The following ZEB1 variants were observed in gnomAD, a reference collection of about 807,000 sequenced individuals.
ZEB1 encodes the protein zinc finger E-box-binding homeobox 1.
In ZEB1, 21 loss-of-function variants were observed where a neutral mutation model predicts 84.9. The ratio of observed to expected loss-of-function variants is 0.25; its 90% confidence interval spans 0.18 to 0.36. ZEB1 has a LOEUF of 0.36. ZEB1 is among the 10% of genes least tolerant of loss of function. The pLI is 1.00. For synonymous variants in ZEB1, 420 were observed against 471.1 expected (o/e 0.89, Z 1.41); for missense variants, 1,104 against 1,330.2 (o/e 0.83, Z 2.65).
At chr10:31,368,236 C>G (rs2044936193) in intron 1 of ZEB1, among the ~76,000 whole-genome samples, 1 of 152,266 alleles carries the variant, frequency 6.6e-6, no homozygotes, top group Middle Eastern at 3.4e-3. Flanking sequence ...CTTACTGCAG[C>G]CTCGACCTCC....
Position 31,520,888 on chromosome 10 carries a change from A to C in ZEB1, c.1556A>C (p.Lys519Thr). ...GAAGATCTTACTGTTAAGTCTGAGA[A>C]GGACAAAAGCTTTGAAGGGGGGGTG... ...LPEDLTVKSEKDKSFEGGVND... is the reference protein window; with the variant it reads ...LPEDLTVKSETDKSFEGGVND... Residue 519 changes from lysine (K) to threonine (T), a missense_variant, in exon 7 of 9, where the codon AAG (lysine) becomes ACG (threonine). Lys to Thr is a moderately conservative substitution (Grantham distance 78). Coordinates refer to ENST00000424869, the MANE Select transcript of ZEB1 (RefSeq NM_001174096.2). This position sits in a 1 kb window ranked among gnomAD's most constrained non-coding sequence, Gnocchi z 5.1. 2 of 1,614,156 alleles carry C rather than the reference A, an allele frequency of 1.2e-6. No individual in the cohort carries two copies. Among genetic ancestry groups the C allele is most frequent in the Non-Finnish European group, 1.7e-6 (2 of 1,180,014 alleles).
intron 1 of ZEB1, among the ~76,000 whole-genome samples, chr10:31,441,141 A>T (rs1284178058): frequency 6.6e-6 from 1 of 152,192 alleles, no homozygotes; most frequent in African/African-American, 2.4e-5. Flanking sequence ...GCATCACACT[A>T]CCTGACTTCA....
intron 1 of ZEB1, among the ~76,000 whole-genome samples, chr10:31,439,735 C>G (rs1409721887): frequency 3.3e-5 from 5 of 152,058 alleles, no homozygotes; most frequent in Admixed American, 6.5e-5. Flanking sequence ...TGGAATTGGG[C>G]AGTTCATAAA....
At chr10:31,418,633 T>C (rs2135981705) in intron 1 of ZEB1, among the ~76,000 whole-genome samples, 1 of 152,256 alleles carries the variant, frequency 6.6e-6, no homozygotes, top group Admixed American at 6.5e-5. Context: ...TTTCCTTGGT[T>C]GCTTGCTTCT....
At chr10:31,382,884 G>A (rs1206923471) in intron 1 of ZEB1, among the ~76,000 whole-genome samples, 3 of 151,922 alleles carry the variant, frequency 2.0e-5, no homozygotes, top group African/African-American at 7.2e-5. Context: ...GAATATGAAA[G>A]TAAAGACACA....
At chr10:31,437,055 C>A (rs1343847329) in intron 1 of ZEB1, among the ~76,000 whole-genome samples, 2 of 152,174 alleles carry the variant, frequency 1.3e-5, no homozygotes, top group Admixed American at 6.5e-5. Context: ...TTTGGTACTA[C>A]AGTTCAAATT....
At chr10:31,347,963 G>C (rs2040608091) in intron 1 of ZEB1, among the ~76,000 whole-genome samples, 1 of 152,198 alleles carries the variant, frequency 6.6e-6, no homozygotes, top group African/African-American at 2.4e-5. Flanking sequence ...AAGAGCAACA[G>C]ATGGTGTCTG....
At chr10:31,469,352 C>T (rs541716457) in intron 2 of ZEB1, among the ~76,000 whole-genome samples, 5 of 152,110 alleles carry the variant, frequency 3.3e-5, no homozygotes, top group South Asian at 2.1e-4. Flanking sequence ...TCAGTGGGTG[C>T]GCGCACCATG....
At chr10:31,403,581 G>A (rs2052457154) in intron 1 of ZEB1, among the ~76,000 whole-genome samples, 1 of 151,928 alleles carries the variant, frequency 6.6e-6, no homozygotes, top group Non-Finnish European at 1.5e-5. Context: ...TATGTAAAAA[G>A]TTCATTTTTA....
chr10:31,489,799 C>T lies in ZEB1; in HGVS notation c.260-5977C>T, dbSNP rs150564848. Among the ~76,000 whole-genome samples, 1,041 of 151,362 alleles carry T rather than the reference C, an allele frequency of 6.9e-3. 7 individuals carry two copies. Among genetic ancestry groups the T allele is most frequent in the African/African-American group, 0.023 (959 of 41,430 alleles). ...TTTATAGTTTTTATATGTACTACAT[C>T]ATTTCTCTTCTTCTTTTATTCCCGA... On this transcript the variant is annotated intron_variant, in intron 2 of 8. Coordinates refer to ENST00000424869, the MANE Select transcript of ZEB1 (RefSeq NM_001174096.2).
intron 2 of ZEB1, among the ~76,000 whole-genome samples, chr10:31,473,944 A>G (rs1238462652): frequency 2.6e-5 from 4 of 152,058 alleles, no homozygotes; most frequent in Admixed American, 1.3e-4. Context: ...AACCTGAGAA[A>G]AACAAGCAAT....
At chr10:31,337,761 C>T (rs1264102750) in intron 1 of ZEB1, among the ~76,000 whole-genome samples, 1 of 145,658 alleles carries the variant, frequency 6.9e-6, no homozygotes, top group Non-Finnish European at 1.5e-5. Context: ...TCTCGGCTCA[C>T]TGCTGCCTCC....
In ZEB1 at chr10:31,520,362, G is replaced by T; in HGVS notation, c.1030G>T (p.Val344Phe). The T allele has an allele frequency of 6.2e-7, 1 of 1,613,934 alleles. No homozygotes were observed. The highest frequency in any genetic ancestry group is 8.5e-7 in the Non-Finnish European group (1 of 1,179,934). ...ENKPLQEQLS[V>F]NQIKTEPVDY... The stretch of plus-strand genomic sequence containing the variant: ...TAAACCCCTTCAAGAACAACTTTCT[G>T]TTAACCAAATTAAAACTGAACCTGT... Residue 344 changes from valine to phenylalanine, a missense_variant, in exon 7 of 9, where the codon GTT (valine) becomes TTT (phenylalanine). Physicochemically the swap from Val to Phe is conservative, Grantham distance 50. Coordinates refer to ENST00000424869, the MANE Select transcript of ZEB1 (RefSeq NM_001174096.2). This position sits in a 1 kb window ranked among gnomAD's most constrained non-coding sequence, Gnocchi z 5.1.
chr10:31,395,043 G>C (rs2050443323), intron 1 of ZEB1, among the ~76,000 whole-genome samples: 1 of 152,172 alleles, frequency 6.6e-6, no homozygotes, highest in African/African-American at 2.4e-5. Flanking sequence ...GTGGGTTGTT[G>C]CTTGTGCTTT....
At chr10:31,373,299 TA>T in intron 1 of ZEB1, 1 of 861,930 alleles carries the variant, frequency 1.2e-6, no homozygotes, top group South Asian at 5.3e-5. Flanking sequence ...GTTTGAATTT[TA>T]TATGTCTGTC....
intron 1 of ZEB1, among the ~76,000 whole-genome samples, chr10:31,439,791 G>A (rs1437186367): frequency 6.6e-6 from 1 of 152,116 alleles, no homozygotes; most frequent in African/African-American, 2.4e-5. Context: ...CAGTATACCT[G>A]GAATGCAGTG....
At chr10:31,477,154 A>G (rs1209426810) in intron 2 of ZEB1, among the ~76,000 whole-genome samples, 1 of 152,022 alleles carries the variant, frequency 6.6e-6, no homozygotes, top group Non-Finnish European at 1.5e-5. Context: ...CCCCATACCT[A>G]GAAAATCCTA....
chr10:31,403,399 C>G (rs78023925), intron 1 of ZEB1, among the ~76,000 whole-genome samples: 4,874 of 151,758 alleles, frequency 0.032, 237 homozygotes, highest in African/African-American at 0.11. Context: ...CCTACATTCT[C>G]CTCTTGTAAT....
intron 1 of ZEB1, among the ~76,000 whole-genome samples, chr10:31,326,873 T>C (rs2035610111): frequency 6.6e-6 from 1 of 152,184 alleles, no homozygotes; most frequent in Non-Finnish European, 1.5e-5. Flanking sequence ...TAGTATTATT[T>C]AGAGGCATCC....
Sources: gnomAD v4.1 joint callset for allele counts (sites outside exome capture counted in the v4.1 genomes callset) on GRCh38, gnomAD v4.1.1 for gene constraint, Gnocchi (gnomAD v3.1) non-coding constraint, MANE v1.5 for transcripts, NCBI Gene and HGNC (gene_info 2026-07-23, HGNC 2026-07-21) for gene names.